The following MEGF10 variants were observed in gnomAD, a reference collection of about 807,000 sequenced individuals.
MEGF10 encodes multiple EGF like domains 10.
In MEGF10, 86 loss-of-function variants were observed where a neutral mutation model predicts 147.5. That is an observed-to-expected ratio of 0.58 (90% CI 0.49 to 0.70). The LOEUF (loss-of-function observed/expected upper bound fraction) is 0.70, where lower values mean the gene tolerates loss of function less well. Among genes scored for constraint, MEGF10 ranks in the 30% least tolerant of loss-of-function variants. The probability of loss-of-function intolerance (pLI) is 0.00; values close to 1 mark genes in which losing one functional copy is unlikely to be tolerated. For synonymous variants in MEGF10, 478 were observed against 525.5 expected (o/e 0.91, Z 1.24); for missense variants, 1,329 against 1,487.3 (o/e 0.89, Z 1.75).
intron 24 of MEGF10, among the ~76,000 whole-genome samples, chr5:127,456,063 T>A (rs1766353920): frequency 6.6e-6 from 1 of 152,240 alleles, no homozygotes; most frequent in Non-Finnish European, 1.5e-5. Flanking sequence ...ATTTTTCACC[T>A]AATCATCCAT....
the MEGF10 span, among the ~76,000 whole-genome samples, chr5:127,231,185 G>A: frequency 1.3e-5 from 2 of 152,270 alleles, no homozygotes; most frequent in Admixed American, 6.5e-5. Flanking sequence ...TGTAGTCATC[G>A]TGATGTTTAC....
At chr5:127,388,397 C>A (rs950771924) in intron 5 of MEGF10, among the ~76,000 whole-genome samples, 3 of 152,158 alleles carry the variant, frequency 2.0e-5, no homozygotes, top group Non-Finnish European at 1.5e-5. Flanking sequence ...AATCCACCCA[C>A]CTCAGCCTCC....
At chr5:127,349,648 C>G (rs1366234108) in intron 4 of MEGF10, among the ~76,000 whole-genome samples, 2 of 151,904 alleles carry the variant, frequency 1.3e-5, no homozygotes, top group Non-Finnish European at 2.9e-5. Context: ...TCCTTGAGGT[C>G]CAGCCATATC....
chr5:127,314,212 C>T (rs1306853477), intron 1 of MEGF10, among the ~76,000 whole-genome samples: 1 of 152,200 alleles, frequency 6.6e-6, no homozygotes, highest in Non-Finnish European at 1.5e-5. Context: ...TCTCTTGACT[C>T]TCCTCAAGTG....
At chr5:127,326,401 A>G (rs1279524958) in intron 1 of MEGF10, among the ~76,000 whole-genome samples, 3 of 152,208 alleles carry the variant, frequency 2.0e-5, no homozygotes, top group Non-Finnish European at 4.4e-5. Flanking sequence ...TCATACCTGG[A>G]TAATATGTTA....
At chr5:127,247,318 G>GA in the MEGF10 span, among the ~76,000 whole-genome samples, 2 of 85,668 alleles carry the variant, frequency 2.3e-5, no homozygotes, top group East Asian at 3.0e-4. Flanking sequence ...GAGAAAGAGA[G>GA]AGAAGAAGAA....
chr5:127,337,103 T>C (rs1217893579), intron 2 of MEGF10, among the ~76,000 whole-genome samples: 1 of 152,140 alleles, frequency 6.6e-6, no homozygotes, highest in African/African-American at 2.4e-5. Flanking sequence ...TTCAAAGGAA[T>C]GGGCTCAGTG....
intron 5 of MEGF10, among the ~76,000 whole-genome samples, chr5:127,377,985 G>A (rs920940543): frequency 3.3e-5 from 5 of 152,210 alleles, no homozygotes; most frequent in African/African-American, 1.2e-4. Context: ...CCCAAAGGTA[G>A]TTTCACTGAT....
intron 4 of MEGF10, among the ~76,000 whole-genome samples, chr5:127,349,085 C>T (rs1318533477): frequency 1.3e-5 from 2 of 152,122 alleles, no homozygotes; most frequent in Non-Finnish European, 2.9e-5. Flanking sequence ...TTCCAGTATA[C>T]ATTTAAAGAA....
At chr5:127,448,967 C>T (rs1287988005) in intron 21 of MEGF10, 132 bp from the exon 22 acceptor site, 23 of 1,169,732 alleles carry the variant, frequency 2.0e-5, no homozygotes, top group Admixed American at 2.7e-5. Context: ...GCAGTCACCT[C>T]GGCCCCTGAG....
the MEGF10 span, among the ~76,000 whole-genome samples, chr5:127,234,558 TC>T: frequency 6.6e-6 from 1 of 152,212 alleles, no homozygotes; most frequent in Non-Finnish European, 1.5e-5. Flanking sequence ...AATGCATCTC[TC>T]CTCTATGCAT....
chr5:127,241,805 A>G, the MEGF10 span, among the ~76,000 whole-genome samples: 12 of 152,234 alleles, frequency 7.9e-5, no homozygotes, highest in African/African-American at 2.9e-4. Context: ...TGTGATAGCT[A>G]TAAAATGCTT....
chr5:127,237,295 C>T, the MEGF10 span, among the ~76,000 whole-genome samples: 4 of 152,084 alleles, frequency 2.6e-5, no homozygotes, highest in African/African-American at 9.7e-5. Context: ...GAGTTCAAGA[C>T]CAGCCTGGCC....
intron 1 of MEGF10, among the ~76,000 whole-genome samples, chr5:127,305,272 G>A (rs1246883629): frequency 6.6e-6 from 1 of 152,172 alleles, no homozygotes; most frequent in Admixed American, 6.5e-5. Flanking sequence ...ATGAGGTAAG[G>A]AAAGAGTCTG....
At position 127,323,463 on chromosome 5, in the gene MEGF10, T is replaced by C. The variant is rs372451398; in HGVS notation, c.-18-7828T>C. Among the ~76,000 whole-genome samples the C allele has an allele frequency of 7.2e-5, 11 of 152,368 alleles. No homozygotes were observed. The East Asian group carries it at 9.6e-4, about 13-fold the overall frequency. ...AATAACTCAAACTGTGATTAGAAGA[T>C]GATGAGCTCTTGCCAGGAGTTACAA... On this transcript the variant is annotated intron_variant, in intron 1 of 24. Coordinates refer to ENST00000503335, the MANE Select transcript of MEGF10 (RefSeq NM_001256545.2).
the MEGF10 span, among the ~76,000 whole-genome samples, chr5:127,262,169 T>G: frequency 3.3e-5 from 5 of 152,206 alleles, no homozygotes; most frequent in African/African-American, 1.2e-4. Flanking sequence ...GTATCATATC[T>G]AAAAATCTAT....
the MEGF10 span, among the ~76,000 whole-genome samples, chr5:127,272,355 G>A: frequency 1.3e-5 from 2 of 152,032 alleles, no homozygotes; most frequent in African/African-American, 4.8e-5. Flanking sequence ...AGTATAGTTA[G>A]TATAGTTTGC....
the MEGF10 span, among the ~76,000 whole-genome samples, chr5:127,231,372 C>T: frequency 2.0e-5 from 3 of 152,152 alleles, no homozygotes; most frequent in African/African-American, 7.2e-5. Context: ...ACATGGCCTC[C>T]TTCCTGTGTC....
intron 2 of MEGF10, among the ~76,000 whole-genome samples, chr5:127,338,251 G>A (rs1761543328): frequency 6.6e-6 from 1 of 151,994 alleles, no homozygotes; most frequent in African/African-American, 2.4e-5. Context: ...ATCTTTAAGA[G>A]AATTAAAGCA....
Sources: gnomAD v4.1 joint callset for allele counts (sites outside exome capture counted in the v4.1 genomes callset) on GRCh38, gnomAD v4.1.1 for gene constraint, MANE v1.5 for transcripts, NCBI Gene and HGNC (gene_info 2026-07-23, HGNC 2026-07-21) for gene names.